MARK1: variants seen among roughly 807,000 people sequenced by gnomAD.
MARK1 encodes microtubule affinity regulating kinase 1.
MARK1 carries 40 observed loss-of-function variants against 96.3 expected under a neutral mutation model. That is an observed-to-expected ratio of 0.42 (90% CI 0.32 to 0.54). MARK1 has a LOEUF of 0.54. Ranked by LOEUF, MARK1 falls within the 20% of genes least tolerant of loss-of-function variation. The pLI is 0.16. For missense variants in MARK1, 719 were observed against 984.6 expected (o/e 0.73, Z 3.61); for synonymous variants, 317 against 341.2 (o/e 0.93, Z 0.78).
At chr1:220,622,821 G>A (rs750782368) in intron 9 of MARK1, among the ~76,000 whole-genome samples, 5 of 152,144 alleles carry the variant, frequency 3.3e-5, no homozygotes, top group Non-Finnish European at 7.3e-5. Flanking sequence ...GGAGGTTGAG[G>A]ATGCTGTAAG....
chr1:220,541,231 C>G (rs1661124423), intron 1 of MARK1, among the ~76,000 whole-genome samples: 1 of 152,186 alleles, frequency 6.6e-6, no homozygotes, highest in Non-Finnish European at 1.5e-5. Context: ...CCACACCCAG[C>G]CTCTTATTCT....
At position 220,662,058 on chromosome 1, in the gene MARK1, C is replaced by T. The variant is rs1310235848; in HGVS notation, c.2280C>T (p.Cys760=). The part of the protein sequence containing the change: ...DSLVQWEMEV[C]KLPRLSLNGV... ...TCGTGCAGTGGGAGATGGAAGTCTG[C>T]AAGTTGCCACGACTGTCACTTAATG... Residue 760 remains cysteine (C), a synonymous_variant, in exon 18 of 18, where the codon TGC becomes TGT. Coordinates refer to ENST00000366917, the MANE Select transcript of MARK1 (RefSeq NM_018650.5). 1 of 1,614,186 alleles carries T rather than the reference C, an allele frequency of 6.2e-7. No homozygotes were observed. The highest frequency in any genetic ancestry group is 8.5e-7 in the Non-Finnish European group (1 of 1,180,022).
chr1:220,546,253 A>G (rs1036416850), intron 1 of MARK1, among the ~76,000 whole-genome samples: 2 of 152,232 alleles, frequency 1.3e-5, no homozygotes, highest in African/African-American at 2.4e-5. Context: ...AACAAACATC[A>G]GAATAATTTT....
chr1:220,561,145 G>T (rs1303662434), intron 1 of MARK1, among the ~76,000 whole-genome samples: 1 of 152,104 alleles, frequency 6.6e-6, no homozygotes, highest in Admixed American at 6.5e-5. Flanking sequence ...AGGGATGAAT[G>T]GTAGTGAGAA....
intron 9 of MARK1, among the ~76,000 whole-genome samples, chr1:220,624,620 T>C (rs1667222352): frequency 6.6e-6 from 1 of 151,938 alleles, no homozygotes; most frequent in South Asian, 2.1e-4. Flanking sequence ...AAAAAAGTTT[T>C]AGATTTCATA....
chr1:220,532,514 G>A (rs1465887631), intron 1 of MARK1, among the ~76,000 whole-genome samples: 1 of 152,096 alleles, frequency 6.6e-6, no homozygotes, highest in Non-Finnish European at 1.5e-5. Context: ...AAATATATTG[G>A]TGACATTGGT....
intron 6 of MARK1, among the ~76,000 whole-genome samples, chr1:220,607,642 G>T: frequency 6.6e-6 from 1 of 152,094 alleles, no homozygotes; most frequent in South Asian, 2.1e-4. Flanking sequence ...CATTGAGTAT[G>T]GGGAATGCTT....
rs534430548 is a variant in MARK1, at chr1:220,613,661, A to G, written c.496-2278A>G. On this transcript the variant is annotated intron_variant, in intron 6 of 17. Coordinates refer to ENST00000366917, the MANE Select transcript of MARK1 (RefSeq NM_018650.5). The stretch of plus-strand genomic sequence containing the variant: ...TCTAATAAAATATACATATAAATGT[A>G]TGTATCTTTTGGCTAATGAACATAA... 4.2e-3 allele frequency among the ~76,000 whole-genome samples: 638 copies of G among 152,352 alleles called. 2 individuals carry two copies. Among genetic ancestry groups the G allele is most frequent in the Non-Finnish European group, 6.7e-3 (459 of 68,036 alleles).
At chr1:220,544,173 T>A (rs1244441402) in intron 1 of MARK1, among the ~76,000 whole-genome samples, 1 of 152,172 alleles carries the variant, frequency 6.6e-6, no homozygotes, top group Non-Finnish European at 1.5e-5. Context: ...TTCCTCAAAT[T>A]TATGTGGTTA....
chr1:220,625,315 T>G (rs1307040215), intron 9 of MARK1, among the ~76,000 whole-genome samples: 1 of 152,230 alleles, frequency 6.6e-6, no homozygotes, highest in East Asian at 1.9e-4. Context: ...GACGAGGTTT[T>G]ATTCATTCAA....
chr1:220,640,121 C>A (rs1211174332), intron 13 of MARK1, among the ~76,000 whole-genome samples: 1 of 152,254 alleles, frequency 6.6e-6, no homozygotes, highest in East Asian at 1.9e-4. Context: ...AATTCAAGCC[C>A]TGTAATAGTG....
At chr1:220,630,107 A>G (rs1040949305) in intron 9 of MARK1, among the ~76,000 whole-genome samples, 8 of 152,036 alleles carry the variant, frequency 5.3e-5, no homozygotes, top group Non-Finnish European at 1.2e-4. Context: ...GCTCACCAAC[A>G]CTTGTTTCTT....
chr1:220,635,664 T>C, intron 12 of MARK1, 135 bp downstream of exon 12: 1 of 1,179,962 alleles, frequency 8.5e-7, no homozygotes, highest in African/African-American at 1.6e-5. Context: ...GAATTATAAA[T>C]ATAATCCCTT....
At position 220,654,429 on chromosome 1, in the gene MARK1, G is replaced by T. The variant is rs896968148; in HGVS notation, c.1988+1077G>T. 6.6e-6 allele frequency among the ~76,000 whole-genome samples: 1 copy of T among 152,216 alleles called. No homozygotes were observed. Among genetic ancestry groups the T allele is most frequent in the African/African-American group, 2.4e-5 (1 of 41,456 alleles). ...TTGCCTTGTCATGGAGCTATTTATAGGCTTGGTTCATACATCAGTTTGCCC... is the reference window on the plus strand; with the variant it reads ...TTGCCTTGTCATGGAGCTATTTATATGCTTGGTTCATACATCAGTTTGCCC... On this transcript the variant is annotated intron_variant, in intron 16 of 17. Coordinates refer to ENST00000366917, the MANE Select transcript of MARK1 (RefSeq NM_018650.5). This position sits in a 1 kb window ranked among gnomAD's most constrained non-coding sequence, Gnocchi z 4.0.
intron 1 of MARK1, among the ~76,000 whole-genome samples, chr1:220,535,932 G>A (rs1660652731): frequency 1.3e-5 from 2 of 152,132 alleles, no homozygotes; most frequent in Non-Finnish European, 2.9e-5. Flanking sequence ...ATGTTTTGAA[G>A]CCAGTAAGTG....
At chr1:220,569,769 C>A (rs1237003832) in intron 1 of MARK1, among the ~76,000 whole-genome samples, 1 of 152,000 alleles carries the variant, frequency 6.6e-6, no homozygotes, top group Non-Finnish European at 1.5e-5. Flanking sequence ...TCACCTGGAA[C>A]TTCTGTAGGA....
At chr1:220,577,243 G>A (rs1397114914) in intron 1 of MARK1, among the ~76,000 whole-genome samples, 1 of 151,446 alleles carries the variant, frequency 6.6e-6, no homozygotes. Context: ...CTCCAGCCTG[G>A]GTGACAGATC....
chr1:220,555,808 G>A lies in MARK1; in HGVS notation c.52-23546G>A, dbSNP rs149901394. On this transcript the variant is annotated intron_variant, in intron 1 of 17. Coordinates refer to ENST00000366917, the MANE Select transcript of MARK1 (RefSeq NM_018650.5). ...GAAAGTTTGGGTGTCATATGGTACA[G>A]ATAATATTGAAAGTCACATGACTGA... 2.8e-3 allele frequency among the ~76,000 whole-genome samples: 427 copies of A among 152,286 alleles called. 7 individuals are homozygous for A. The highest frequency in any genetic ancestry group is 0.019 in the Admixed American group (294 of 15,292).
intron 1 of MARK1, among the ~76,000 whole-genome samples, chr1:220,539,729 G>A (rs371902909): frequency 3.1e-4 from 47 of 150,954 alleles, no homozygotes; most frequent in African/African-American, 9.7e-4. Context: ...CCTCTTGGGC[G>A]TGGTACGTGA....
Sources: allele counts gnomAD v4.1 joint callset (sites outside exome capture counted in the v4.1 genomes callset), GRCh38; gene constraint gnomAD v4.1.1; non-coding constraint Gnocchi (gnomAD v3.1); transcripts MANE v1.5; gene names NCBI Gene and HGNC (gene_info 2026-07-23, HGNC 2026-07-21).